Variants in CDH4 observed in about 807,000 individuals in gnomAD.
CDH4 encodes the protein cadherin 4.
CDH4 carries 33 observed loss-of-function variants against 86.0 expected under a neutral mutation model. The observed-to-expected ratio is 0.38, with a 90% CI of 0.29 to 0.51. The LOEUF (loss-of-function observed/expected upper bound fraction) is 0.51. Among genes scored for constraint, CDH4 ranks in the 20% least tolerant of loss-of-function variants. The probability of loss-of-function intolerance (pLI) is 0.86; values close to 1 mark genes in which losing one functional copy is unlikely to be tolerated. For synonymous variants in CDH4, 555 were observed against 549.4 expected (o/e 1.01, Z -0.14); for missense variants, 1,114 against 1,307.4 (o/e 0.85, Z 2.28).
intron 2 of CDH4, among the ~76,000 whole-genome samples, chr20:61,407,433 C>T (rs922508726): frequency 2.0e-5 from 3 of 152,180 alleles, no homozygotes; most frequent in Non-Finnish European, 2.9e-5. Flanking sequence ...CGCTCTCCAC[C>T]GATTCCAAGC....
chr20:61,253,218 C>T (rs2084074945), intron 1 of CDH4, among the ~76,000 whole-genome samples: 1 of 151,166 alleles, frequency 6.6e-6, no homozygotes, highest in African/African-American at 2.4e-5. Flanking sequence ...GCCCCGGGGG[C>T]TGGGAGCTGG....
chr20:61,720,625 A>AGTGTATGGGTGCAGG (rs1555830076), intron 2 of CDH4, among the ~76,000 whole-genome samples: 4 of 149,726 alleles, frequency 2.7e-5, no homozygotes, highest in African/African-American at 9.9e-5. Flanking sequence ...AGGGGTGCAG[A>AGTGTATGGGTGCAGG]GTGCCATTCC....
intron 7 of CDH4, among the ~76,000 whole-genome samples, chr20:61,877,830 A>G (rs1231389861): frequency 2.0e-5 from 3 of 152,092 alleles, no homozygotes; most frequent in Non-Finnish European, 4.4e-5. Flanking sequence ...GGCTCAGGGG[A>G]CGGTCATGGG....
At chr20:61,554,757 A>G (rs146405616) in intron 2 of CDH4, among the ~76,000 whole-genome samples, 86 of 152,346 alleles carry the variant, frequency 5.6e-4, no homozygotes, top group African/African-American at 2.0e-3. Context: ...GCATGAACAT[A>G]TATGTGCATA....
chr20:61,728,237 T>A (rs757499670), intron 2 of CDH4, among the ~76,000 whole-genome samples: 1 of 152,184 alleles, frequency 6.6e-6, no homozygotes, highest in Non-Finnish European at 1.5e-5. Context: ...CATCTAAGCA[T>A]AACCACCTGT....
At chr20:61,411,120 TTCCA>T (rs11473075) in intron 2 of CDH4, among the ~76,000 whole-genome samples, 3,812 of 146,854 alleles carry the variant, frequency 0.026, 112 homozygotes, top group African/African-American at 0.073. Flanking sequence ...CCGTCTTTCC[TTCCA>T]TCCATCCATC....
rs2084999437 is a variant in CDH4, at chr20:61,393,697, C to T, written c.169+138760C>T. 6.6e-6 allele frequency among the ~76,000 whole-genome samples: 1 copy of T among 152,070 alleles called. No homozygotes were observed. The highest frequency in any genetic ancestry group is 2.1e-4 in the South Asian group (1 of 4,814). The stretch of plus-strand genomic sequence containing the variant: ...GGCTGGGTGAGAGTCACTGCAGCCC[C>T]TCACGCCTCTGTTGTGTCAGGACAA... On this transcript the variant is annotated intron_variant, in intron 2 of 15. Transcript: ENST00000614565. The surrounding 1 kb of genome is among the most constrained non-coding windows in gnomAD (Gnocchi z 4.3).
chr20:61,571,593 C>T (rs73136674), intron 2 of CDH4, among the ~76,000 whole-genome samples: 8,798 of 152,190 alleles, frequency 0.058, 522 homozygotes, highest in African/African-American at 0.15. Flanking sequence ...GGGTCCTCAC[C>T]GCCCCTGCAT....
chr20:61,835,217 AGTT>A lies in CDH4; in HGVS notation c.577-9441_577-9439del, dbSNP rs554425793. Among the ~76,000 whole-genome samples the A allele has an allele frequency of 1.4e-3, 212 of 150,272 alleles. 2 individuals carry two copies. Among genetic ancestry groups the A allele is most frequent in the African/African-American group, 5.0e-3 (202 of 40,690 alleles). On this transcript the variant is annotated intron_variant, in intron 4 of 15. Transcript: ENST00000614565. The stretch of plus-strand genomic sequence containing the variant: ...AGGCATGTGCCACCATGTCCAACTA[AGTT>A]GTTGTTGTTTTTTATTTGTTTTTTA...
At chr20:61,898,156 T>C (rs1022769280) in intron 8 of CDH4, among the ~76,000 whole-genome samples, 1 of 152,154 alleles carries the variant, frequency 6.6e-6, no homozygotes, top group Non-Finnish European at 1.5e-5. Flanking sequence ...TGCCTCACCG[T>C]GGGACGGAGC....
rs560067585 is a variant in CDH4, at chr20:61,870,254, G to A, written c.878-3474G>A. 6.6e-5 allele frequency among the ~76,000 whole-genome samples: 10 copies of A among 152,306 alleles called. No homozygotes were observed. In the East Asian group the frequency reaches 1.2e-3, roughly 18 times the overall value. ...CCTGCACGTGGGCAGCAGGCCATCC[G>A]TGAGATTTCTCTGAGACATGACAAA... On this transcript the variant is annotated intron_variant, in intron 6 of 15. Transcript: ENST00000614565.
intron 2 of CDH4, among the ~76,000 whole-genome samples, chr20:61,511,641 C>T (rs1219182139): frequency 2.0e-5 from 3 of 152,180 alleles, no homozygotes; most frequent in Non-Finnish European, 4.4e-5. Flanking sequence ...ATGCATTAAG[C>T]GACTTTGTGG....
chr20:61,686,116 A>T (rs2087570706), intron 2 of CDH4, among the ~76,000 whole-genome samples: 1 of 152,236 alleles, frequency 6.6e-6, no homozygotes. Flanking sequence ...ATGATTTTAT[A>T]GACTTTTCTG....
rs544128337 is a variant in CDH4 at position 61,670,009 on chromosome 20, G to T, written c.170-73554G>T. Reference sequence around the variant, plus strand: ...GGCTGCAGCATTAATACCCTTTCTAGCAGGAGCTGATCTAATGAGTATGAG... The same window carrying T: ...GGCTGCAGCATTAATACCCTTTCTATCAGGAGCTGATCTAATGAGTATGAG... On this transcript the variant is annotated intron_variant, in intron 2 of 15. Transcript: ENST00000614565. Among the ~76,000 whole-genome samples the T allele has an allele frequency of 3.3e-5, 5 of 152,276 alleles. No individual in the cohort carries two copies. In the South Asian group the frequency reaches 1.0e-3, roughly 32 times the overall value.
At chr20:61,573,968 G>A (rs767785139) in intron 2 of CDH4, among the ~76,000 whole-genome samples, 13 of 152,180 alleles carry the variant, frequency 8.5e-5, no homozygotes, top group Non-Finnish European at 1.9e-4. Context: ...TGTAGCTGCT[G>A]CAGCTCCTGA....
chr20:61,706,869 G>A (rs6121770), intron 2 of CDH4, among the ~76,000 whole-genome samples: 6,054 of 152,302 alleles, frequency 0.04, 423 homozygotes, highest in African/African-American at 0.14. Flanking sequence ...CCTCTGTGAT[G>A]CCCAGACCAG....
At chr20:61,771,621 CAAAAAA>C (rs71331929) in intron 3 of CDH4, among the ~76,000 whole-genome samples, 1 of 110,096 alleles carries the variant, frequency 9.1e-6, no homozygotes, top group Non-Finnish European at 1.8e-5. Flanking sequence ...GACTCCATCT[CAAAAAA>C]AAAAAAAAAA....
At chr20:61,283,555 G>A (rs568651850) in intron 2 of CDH4, among the ~76,000 whole-genome samples, 1 of 142,108 alleles carries the variant, frequency 7.0e-6, no homozygotes, top group African/African-American at 2.6e-5. Flanking sequence ...GTGCTGTGGT[G>A]TGTGATGTAG....
intron 2 of CDH4, among the ~76,000 whole-genome samples, chr20:61,581,816 C>A (rs950634948): frequency 6.6e-5 from 10 of 152,194 alleles, no homozygotes; most frequent in African/African-American, 2.4e-4. Flanking sequence ...CCACACCATG[C>A]TTGTCTGGAA....
Sources: allele counts gnomAD v4.1 joint callset (sites outside exome capture counted in the v4.1 genomes callset), GRCh38; gene constraint gnomAD v4.1.1; non-coding constraint Gnocchi (gnomAD v3.1); transcripts MANE v1.5; gene names NCBI Gene and HGNC (gene_info 2026-07-23, HGNC 2026-07-21).